ZNF286A: variants seen among roughly 807,000 people sequenced by gnomAD.
ZNF286A encodes zinc finger protein ZNF286.
ZNF286A carries 34 observed loss-of-function variants against 49.3 expected under a neutral mutation model. The ratio of observed to expected loss-of-function variants is 0.69; its 90% CI spans 0.52 to 0.92. The LOEUF (loss-of-function observed/expected upper bound fraction) is 0.92. Ranked by LOEUF, ZNF286A falls within the 40% of genes least tolerant of loss-of-function variation. ZNF286A has a pLI of 0.00. For missense variants in ZNF286A, 462 were observed against 600.2 expected (o/e 0.77, Z 2.41); for synonymous variants, 155 against 200.4 (o/e 0.77, Z 1.91).
At position 15,717,363 on chromosome 17, in the gene ZNF286A, G is replaced by A. The variant is rs1233817141; in HGVS notation, c.*73G>A. 6.1e-5 allele frequency: 85 copies of A among 1,388,144 alleles called. 2 individuals are homozygous for A. The highest frequency in any genetic ancestry group is 3.9e-4 in the Middle Eastern group (2 of 5,084). The allele number at this position is 1,388,144 out of a possible 1,614,324, so 86.0% of individuals were successfully genotyped here. ...AAATACTTGAGTGTTTAGGTGGAAGGCGCATCCATAATATGCATGTGAGGA... is the reference window on the plus strand; with the variant it reads ...AAATACTTGAGTGTTTAGGTGGAAGACGCATCCATAATATGCATGTGAGGA... On this transcript the variant is annotated 3_prime_UTR_variant, in exon 6 of 6. Transcript: ENST00000583566.
chr17:15,700,019 T>A, intron 1 of ZNF286A, 116 bp from the exon 2 acceptor site: 1 of 597,722 alleles, frequency 1.7e-6, no homozygotes, highest in Non-Finnish European at 3.0e-6. Flanking sequence ...TTGTCCAAAC[T>A]CCTGATGCCC....
In ZNF286A at chr17:15,717,809, A is replaced by G. The variant is rs1967146527; in HGVS notation, c.*519A>G. ...TTAAAAACCAAAAATGCTGGGTTCA[A>G]AGTCCTTAGAATTCCCTTCCTCCCT... On this transcript the variant is annotated 3_prime_UTR_variant, in exon 6 of 6. Transcript: ENST00000583566. 1.3e-5 allele frequency: 2 copies of G among 156,516 alleles called. No homozygotes were observed. The highest frequency in any genetic ancestry group is 1.9e-4 in the South Asian group (1 of 5,232). The allele number at this position is 156,516 out of a possible 1,614,324, so 9.7% of individuals were successfully genotyped here. A position where few individuals can be genotyped will look rare whatever the true frequency, so the allele number is the denominator to read the frequency against.
At chr17:15,703,000 A>G (rs1017873285) in intron 3 of ZNF286A, among the ~76,000 whole-genome samples, 1 of 152,200 alleles carries the variant, frequency 6.6e-6, no homozygotes, top group African/African-American at 2.4e-5. Flanking sequence ...GAAAAAGGGC[A>G]GATTCTCTTC....
At chr17:15,711,199 A>C (rs1990622196) in intron 5 of ZNF286A, 1 of 152,192 alleles carries the variant, frequency 6.6e-6, no homozygotes, top group African/African-American at 2.4e-5. Context: ...GGCGTGAGCC[A>C]CTGCGCCCGG....
intron 5 of ZNF286A, chr17:15,708,477 C>T: frequency 2.7e-6 from 1 of 365,438 alleles, no homozygotes; most frequent in Non-Finnish European, 4.8e-6. Flanking sequence ...TTTCTTTCTT[C>T]CTTTCTTTTT....
chr17:15,713,389 G>T (rs9303131), intron 5 of ZNF286A, among the ~76,000 whole-genome samples: 83 of 152,124 alleles, frequency 5.5e-4, no homozygotes, highest in African/African-American at 2.0e-3. Flanking sequence ...ATAGAAGGTA[G>T]CTATATTCTT....
chr17:15,704,738 A>G lies in ZNF286A; in HGVS notation c.127-1649A>G, dbSNP rs1425378518. The G allele has an allele frequency of 1.4e-5, 23 of 1,613,938 alleles. No individual in the cohort carries two copies. The South Asian group carries it at 2.1e-4, about 15-fold the overall frequency. ...TTCATGCGGAACAGACCTCCAGCAT[A>G]TGGGGTCCCTTCAGGGCCCTCGATG... is the stretch of plus-strand genomic sequence containing the variant. On this transcript the variant is annotated intron_variant, in intron 3 of 5. Transcript: ENST00000583566.
At chr17:15,709,470 T>A (rs1431580950) in intron 5 of ZNF286A, among the ~76,000 whole-genome samples, 1 of 151,658 alleles carries the variant, frequency 6.6e-6, no homozygotes, top group East Asian at 1.9e-4. Context: ...CCAGCCTGGG[T>A]GACAGAGGGA....
intron 5 of ZNF286A, among the ~76,000 whole-genome samples, chr17:15,712,505 G>A (rs1449317857): frequency 5.1e-4 from 77 of 152,236 alleles, no homozygotes; most frequent in Non-Finnish European, 8.8e-4. Flanking sequence ...CTCCCCAACA[G>A]CATCCTTTTC....
chr17:15,706,875 G>A (rs954287583), intron 4 of ZNF286A, among the ~76,000 whole-genome samples: 1 of 152,088 alleles, frequency 6.6e-6, no homozygotes, highest in Non-Finnish European at 1.5e-5. Flanking sequence ...GGCAAAGATG[G>A]CCAGTGGCAG....
At chr17:15,701,470 AAGCAGCATTTCCCTTTCTT>A (rs1470596624) in intron 3 of ZNF286A, 1 of 382,560 alleles carries the variant, frequency 2.6e-6, no homozygotes, top group Non-Finnish European at 4.8e-6. Context: ...ACAGATAGGT[AAGCAGCATTTCCCTTTCTT>A]AGCCTCCTAT....
At chr17:15,712,126 C>G (rs1417869283) in intron 5 of ZNF286A, among the ~76,000 whole-genome samples, 2 of 152,190 alleles carry the variant, frequency 1.3e-5, no homozygotes, top group East Asian at 1.9e-4. Flanking sequence ...CCCTCCTTGG[C>G]CTCCCAAAGT....
At position 15,717,421 on chromosome 17, in the gene ZNF286A, A is replaced by G; in HGVS notation, c.*131A>G. ...TGTATGCATCTAATTTCATTTGCGT[A>G]ATACATAGTTTTGAGCCATAAGCAG... On this transcript the variant is annotated 3_prime_UTR_variant, in exon 6 of 6. Coordinates refer to ENST00000583566, the MANE Select transcript of ZNF286A (RefSeq NM_001130842.2). 7.0e-7 allele frequency: 1 copy of G among 1,432,480 alleles called. No individual in the cohort carries two copies. The highest frequency in any genetic ancestry group is 9.3e-7 in the Non-Finnish European group (1 of 1,077,232). 88.7% of individuals were successfully genotyped at this position (1,432,480 alleles called of 1,614,324 possible).
Position 15,717,573 on chromosome 17 carries a change from A to G in ZNF286A, c.*283A>G. 2.4e-6 allele frequency: 1 copy of G among 419,938 alleles called. No homozygotes were observed. Among genetic ancestry groups the G allele is most frequent in the Non-Finnish European group, 4.1e-6 (1 of 244,868 alleles). 26.0% of individuals were successfully genotyped at this position (419,938 alleles called of 1,614,324 possible). On this transcript the variant is annotated 3_prime_UTR_variant, in exon 6 of 6. Coordinates refer to ENST00000583566, the MANE Select transcript of ZNF286A (RefSeq NM_001130842.2). ...TCCCTGAGAGTAGGTAGCAGTACGA[A>G]CATTGTGAAATCCAGTTTTCCCCTC...
At chr17:15,704,392 G>A in intron 3 of ZNF286A, 1 of 1,607,060 alleles carries the variant, frequency 6.2e-7, no homozygotes, top group Non-Finnish European at 8.5e-7. Flanking sequence ...ACTGGCCAGG[G>A]CCCGCCCGGC....
At chr17:15,705,757 T>C (rs1367924094) in intron 3 of ZNF286A, among the ~76,000 whole-genome samples, 1 of 152,258 alleles carries the variant, frequency 6.6e-6, no homozygotes, top group Non-Finnish European at 1.5e-5. Flanking sequence ...GATATGTATC[T>C]ATCTCCTTAT....
At chr17:15,710,231 G>T (rs1990550111) in intron 5 of ZNF286A, among the ~76,000 whole-genome samples, 1 of 152,010 alleles carries the variant, frequency 6.6e-6, no homozygotes, top group African/African-American at 2.4e-5. Context: ...CTAATCTTTG[G>T]CTTATTTTAT....
chr17:15,707,410 A>C (rs1990318103), intron 4 of ZNF286A, among the ~76,000 whole-genome samples: 1 of 149,316 alleles, frequency 6.7e-6, no homozygotes, highest in African/African-American at 2.5e-5. Context: ...ACTGCACTCC[A>C]GCCTTTTTGT....
At chr17:15,704,811 G>C in intron 3 of ZNF286A, 3 of 1,613,834 alleles carry the variant, frequency 1.9e-6, no homozygotes, top group Non-Finnish European at 8.5e-7. Context: ...AGACCTTGAT[G>C]CCATCGGGTG....
Sources: gnomAD v4.1 joint callset for allele counts (sites outside exome capture counted in the v4.1 genomes callset) on GRCh38, gnomAD v4.1.1 for gene constraint, MANE v1.5 for transcripts, NCBI Gene and HGNC (gene_info 2026-07-23, HGNC 2026-07-21) for gene names.